Variants in CCDC7 observed in about 807,000 individuals in gnomAD.
CCDC7 encodes coiled-coil domain containing 7.
In CCDC7, 183 loss-of-function variants were observed where a neutral mutation model predicts 196.9. The observed-to-expected ratio is 0.93, with a 90% confidence interval of 0.82 to 1.05. The LOEUF (loss-of-function observed/expected upper bound fraction) is 1.05, where lower values mean the gene tolerates loss of function less well. Among genes scored for constraint, CCDC7 ranks in the 50% least tolerant of loss-of-function variants. The pLI, the probability that CCDC7 is intolerant of heterozygous loss-of-function variation, is 0.00. For synonymous variants in CCDC7, 525 were observed against 484.6 expected (o/e 1.08, Z -1.10); for missense variants, 1,540 against 1,482.2 (o/e 1.04, Z -0.64).
chr10:32,814,976 G>A (rs2088073121), intron 31 of CCDC7, among the ~76,000 whole-genome samples: 2 of 152,042 alleles, frequency 1.3e-5, no homozygotes, highest in Admixed American at 6.6e-5. Flanking sequence ...CCCTCAAAAA[G>A]CAACATAAGA....
chr10:32,742,750 A>G (rs1388052598), intron 28 of CCDC7, among the ~76,000 whole-genome samples: 2 of 152,154 alleles, frequency 1.3e-5, no homozygotes, highest in Non-Finnish European at 2.9e-5. Flanking sequence ...GTAGATAGCC[A>G]CCTTCTCACT....
intron 24 of CCDC7, among the ~76,000 whole-genome samples, chr10:32,695,995 CTTT>C (rs61401274): frequency 1.3e-5 from 2 of 148,774 alleles, no homozygotes; most frequent in East Asian, 2.0e-4. Flanking sequence ...GCAATGAAGA[CTTT>C]TTTTTTTTTT....
intron 21 of CCDC7, among the ~76,000 whole-genome samples, chr10:32,671,262 C>G (rs879824179): frequency 6.6e-6 from 1 of 152,080 alleles, no homozygotes; most frequent in East Asian, 1.9e-4. Flanking sequence ...AGTTTTAAAA[C>G]CTTTATACCA....
intron 9 of CCDC7, among the ~76,000 whole-genome samples, chr10:32,500,248 G>C (rs144049549): frequency 0.033 from 5,003 of 151,564 alleles, 96 homozygotes; most frequent in Non-Finnish European, 0.049. Context: ...CGACCTCCTG[G>C]ACGGGGCGGC....
upstream of CCDC7, among the ~76,000 whole-genome samples, chr10:32,445,550 T>C (rs2030743738): frequency 6.6e-6 from 1 of 152,214 alleles, no homozygotes; most frequent in Non-Finnish European, 1.5e-5. Flanking sequence ...AACATTTTAC[T>C]TCGTTCAACT....
intron 5 of CCDC7, among the ~76,000 whole-genome samples, chr10:32,469,907 A>C (rs541846549): frequency 6.6e-6 from 1 of 152,212 alleles, no homozygotes; most frequent in Non-Finnish European, 1.5e-5. Flanking sequence ...ATATTCCACT[A>C]TCACAGACAA....
At chr10:32,777,930 T>G (rs1219381263) in intron 28 of CCDC7, among the ~76,000 whole-genome samples, 1 of 152,234 alleles carries the variant, frequency 6.6e-6, no homozygotes, top group Admixed American at 6.5e-5. Context: ...AAATTGCATT[T>G]CTCTGATGAT....
intron 28 of CCDC7, among the ~76,000 whole-genome samples, chr10:32,751,974 T>C (rs1242090488): frequency 6.6e-6 from 1 of 152,162 alleles, no homozygotes; most frequent in Non-Finnish European, 1.5e-5. Context: ...CTCTGTATGA[T>C]AGAAAATTTA....
At chr10:32,764,322 A>G (rs1021028282) in intron 28 of CCDC7, among the ~76,000 whole-genome samples, 2 of 151,826 alleles carry the variant, frequency 1.3e-5, no homozygotes, top group Non-Finnish European at 1.5e-5. Context: ...CAAAAAAACT[A>G]CATAATTTTT....
In CCDC7 at chr10:32,711,823, A is replaced by G. The variant is rs111285751; in HGVS notation, c.2569+93A>G. 6.7e-6 allele frequency: 4 copies of G among 599,830 alleles called. No homozygotes were observed. In the African/African-American group the frequency reaches 7.9e-5, roughly 12 times the overall value. 37.2% of individuals were successfully genotyped at this position (599,830 alleles called of 1,614,324 possible). On this transcript the variant is annotated intron_variant, in intron 25 of 41. Transcript: ENST00000639629. The stretch of plus-strand genomic sequence containing the variant: ...TTCATACTTACGTATTTGAGAACAT[A>G]TATTTTATTGATAATTTATACTCTG...
At chr10:32,462,628 A>G in intron 3 of CCDC7, 55 bp from the exon 5 acceptor site, 1 of 1,275,192 alleles carries the variant, frequency 7.8e-7, no homozygotes, top group South Asian at 1.4e-5. Flanking sequence ...ATATTATATT[A>G]TACATTGTGA....
At chr10:32,618,235 A>G (rs73257431) in intron 18 of CCDC7, among the ~76,000 whole-genome samples, 8,062 of 151,968 alleles carry the variant, frequency 0.053, 709 homozygotes, top group African/African-American at 0.18. Flanking sequence ...TTAAAGGTTA[A>G]TATTGATATA....
At chr10:32,631,117 T>G (rs911909186) in intron 18 of CCDC7, among the ~76,000 whole-genome samples, 6 of 152,230 alleles carry the variant, frequency 3.9e-5, no homozygotes, top group African/African-American at 1.4e-4. Context: ...TGATGAAACC[T>G]CTAGATGATG....
chr10:32,775,161 C>T (rs752649963), intron 28 of CCDC7, among the ~76,000 whole-genome samples: 58 of 152,112 alleles, frequency 3.8e-4, no homozygotes, highest in Non-Finnish European at 5.4e-4. Context: ...TTAGGCATGC[C>T]TTTCAGTGAT....
At chr10:32,846,536 A>T in intron 37 of CCDC7, 77 bp downstream of exon 38, 1 of 856,826 alleles carries the variant, frequency 1.2e-6, no homozygotes, top group Non-Finnish European at 1.9e-6. Flanking sequence ...TAGACATTTA[A>T]TGACAATAGT....
chr10:32,637,116 A>T (rs983874417), intron 20 of CCDC7, among the ~76,000 whole-genome samples: 1 of 152,152 alleles, frequency 6.6e-6, no homozygotes, highest in African/African-American at 2.4e-5. Flanking sequence ...TTCATTGTAG[A>T]TTCTGGATAT....
intron 32 of CCDC7, among the ~76,000 whole-genome samples, chr10:32,828,422 A>G (rs1039865235): frequency 7.6e-6 from 1 of 131,948 alleles, no homozygotes; most frequent in Admixed American, 8.2e-5. Context: ...GAAGGAGAAG[A>G]AGAAGAAGGA....
chr10:32,551,408 T>G (rs1377667741), intron 13 of CCDC7, among the ~76,000 whole-genome samples: 1 of 152,178 alleles, frequency 6.6e-6, no homozygotes, highest in Non-Finnish European at 1.5e-5. Context: ...AGTTCTGCTC[T>G]GATCTTGGTT....
At chr10:32,693,923 C>T (rs1437727732) in intron 23 of CCDC7, among the ~76,000 whole-genome samples, 2 of 152,002 alleles carry the variant, frequency 1.3e-5, no homozygotes, top group African/African-American at 2.4e-5. Flanking sequence ...CAGCTGCAAC[C>T]CTTAACTGGG....
Sources: allele counts gnomAD v4.1 joint callset (sites outside exome capture counted in the v4.1 genomes callset), GRCh38; gene constraint gnomAD v4.1.1; transcripts MANE v1.5; gene names NCBI Gene and HGNC (gene_info 2026-07-23, HGNC 2026-07-21).